Variants in ASIC2 observed in about 807,000 individuals in gnomAD.
ASIC2 encodes the protein acid sensing ion channel subunit 2.
Under a neutral mutation model 57.3 loss-of-function variants are expected in ASIC2, and 25 were observed. The ratio of observed to expected loss-of-function variants is 0.44; its 90% CI spans 0.32 to 0.61. The LOEUF (loss-of-function observed/expected upper bound fraction) is 0.61. Ranked by LOEUF, ASIC2 falls within the 20% of genes least tolerant of loss-of-function variation. ASIC2 has a pLI of 0.06. For missense variants in ASIC2, 641 were observed against 738.1 expected, an observed-to-expected ratio of 0.87 and a Z score of 1.52; for synonymous variants, 319 against 307.5, an observed-to-expected ratio of 1.04 and a Z score of -0.39.
chr17:33,551,061 T>C lies in ASIC2; in HGVS notation c.556-438994A>G, dbSNP rs188486747. 2.9e-3 allele frequency among the ~76,000 whole-genome samples: 444 copies of C among 152,298 alleles called. 4 individuals are homozygous for C. The highest frequency in any genetic ancestry group is 4.7e-3 in the Non-Finnish European group (320 of 68,028). On this transcript the variant is annotated intron_variant, in intron 1 of 9. Coordinates refer to the ASIC2 transcript ENST00000359872. ...ATTTTTATGCCTAGAAAATAAATAATATTTATCTTAAGCTCACTGCAGAAA... is the reference window on the plus strand; with the variant it reads ...ATTTTTATGCCTAGAAAATAAATAACATTTATCTTAAGCTCACTGCAGAAA...
At chr17:33,426,242 GC>G (rs2141975173) in intron 1 of ASIC2, among the ~76,000 whole-genome samples, 1 of 152,328 alleles carries the variant, frequency 6.6e-6, no homozygotes, top group East Asian at 1.9e-4. Context: ...AATAATCATA[GC>G]CAGGGCACTT....
intron 1 of ASIC2, among the ~76,000 whole-genome samples, chr17:33,994,449 C>T (rs951015664): frequency 3.4e-4 from 51 of 152,166 alleles, no homozygotes; most frequent in African/African-American, 1.2e-3. Context: ...AATTTCCTGA[C>T]CACTCCTCTG....
intron 1 of ASIC2, among the ~76,000 whole-genome samples, chr17:33,516,410 G>GTGTGAGTA (rs1914573154): frequency 1.4e-5 from 2 of 143,612 alleles, no homozygotes; most frequent in Admixed American, 1.4e-4. Flanking sequence ...GAGTGTGAGT[G>GTGTGAGTA]TGTGTGTGTG....
At chr17:33,096,757 G>T (rs940330215) in intron 2 of ASIC2, among the ~76,000 whole-genome samples, 2 of 152,204 alleles carry the variant, frequency 1.3e-5, no homozygotes, top group African/African-American at 4.8e-5. Context: ...CAAGGTGAGG[G>T]TGTTTGTGTA....
chr17:33,727,003 CA>C (rs1254353315), intron 1 of ASIC2, among the ~76,000 whole-genome samples: 1 of 152,104 alleles, frequency 6.6e-6, no homozygotes, highest in Non-Finnish European at 1.5e-5. Context: ...TCATAACATG[CA>C]AATTTATCTA....
chr17:33,906,365 C>T (rs982961828), intron 1 of ASIC2, among the ~76,000 whole-genome samples: 8 of 152,170 alleles, frequency 5.3e-5, no homozygotes, highest in African/African-American at 1.9e-4. Context: ...GGTGGAAAAT[C>T]TTGGGTTATG....
chr17:33,016,154 T>C (rs2091804676), intron 8 of ASIC2, 115 bp from the exon 9 acceptor site: 1 of 947,530 alleles, frequency 1.1e-6, no homozygotes, highest in Non-Finnish European at 1.6e-6. Flanking sequence ...TGGCTGAACA[T>C]ACCGTAGCAC....
At chr17:33,664,246 G>A (rs1907398827) in intron 1 of ASIC2, among the ~76,000 whole-genome samples, 1 of 152,192 alleles carries the variant, frequency 6.6e-6, no homozygotes, top group African/African-American at 2.4e-5. Context: ...GGGAAAGTAT[G>A]TTTTGTCTTT....
chr17:33,057,680 TG>T lies in ASIC2; in HGVS notation c.988-29289del, dbSNP rs61322431. Among the ~76,000 whole-genome samples the T allele has an allele frequency of 1.3e-3, 204 of 152,358 alleles. 1 individual carries two copies. The highest frequency in any genetic ancestry group is 4.8e-3 in the African/African-American group (200 of 41,582). ...AAGCAGAAGCCCAGTGATTCTGGGT[TG>T]AACCGCCTGGAAACCCCGTGGAATG... On this transcript the variant is annotated intron_variant, in intron 3 of 9. Coordinates refer to ENST00000225823, the MANE Select transcript of ASIC2 (RefSeq NM_183377.2).
intron 1 of ASIC2, among the ~76,000 whole-genome samples, chr17:33,147,987 C>T (rs1904631869): frequency 6.6e-6 from 1 of 152,176 alleles, no homozygotes; most frequent in Admixed American, 6.5e-5. Flanking sequence ...GGACACTTCA[C>T]GCTACTGAAC....
chr17:34,149,163 G>A (rs1904420256), intron 1 of ASIC2, among the ~76,000 whole-genome samples: 1 of 147,910 alleles, frequency 6.8e-6, no homozygotes, highest in South Asian at 2.1e-4. Flanking sequence ...CTGGAGTGCA[G>A]TGGTGTGATC....
At chr17:33,471,735 G>C (rs1368204135) in intron 1 of ASIC2, among the ~76,000 whole-genome samples, 1 of 152,156 alleles carries the variant, frequency 6.6e-6, no homozygotes, top group Non-Finnish European at 1.5e-5. Context: ...TGTTAATTAA[G>C]AGGAGGCAAA....
intron 1 of ASIC2, chr17:34,038,666 G>T (rs937543341): frequency 2.5e-6 from 4 of 1,583,526 alleles, no homozygotes; most frequent in Non-Finnish European, 3.5e-6. Flanking sequence ...CTCCAGCTCT[G>T]CCTGGATCTC....
intron 1 of ASIC2, among the ~76,000 whole-genome samples, chr17:34,128,090 ATGTT>A (rs2142125019): frequency 6.6e-6 from 1 of 152,314 alleles, no homozygotes; most frequent in East Asian, 1.9e-4. Flanking sequence ...ATCTTAATAA[ATGTT>A]TGAGAAAAGG....
At chr17:33,477,809 T>A (rs1379880703) in intron 1 of ASIC2, among the ~76,000 whole-genome samples, 1 of 152,056 alleles carries the variant, frequency 6.6e-6, no homozygotes, top group Non-Finnish European at 1.5e-5. Context: ...GTCTTAAGGA[T>A]GAGTTATAGT....
At chr17:33,883,473 C>T (rs930171062) in intron 1 of ASIC2, among the ~76,000 whole-genome samples, 1 of 152,154 alleles carries the variant, frequency 6.6e-6, no homozygotes, top group African/African-American at 2.4e-5. Flanking sequence ...TCTGTAGACT[C>T]ATCAGATACA....
intron 1 of ASIC2, among the ~76,000 whole-genome samples, chr17:33,574,484 T>C (rs1916554814): frequency 6.6e-6 from 1 of 152,198 alleles, no homozygotes; most frequent in South Asian, 2.1e-4. Context: ...AGGGGTTGCG[T>C]AGGGGTGCTG....
chr17:33,042,606 T>C lies in ASIC2; in HGVS notation c.988-14214A>G, dbSNP rs1240999042. Among the ~76,000 whole-genome samples the C allele has an allele frequency of 2.0e-5, 3 of 152,222 alleles. No individual in the cohort carries two copies. The East Asian group carries it at 5.8e-4, about 29-fold the overall frequency. On this transcript the variant is annotated intron_variant, in intron 3 of 9. Transcript: ENST00000225823. Reference sequence around the variant, plus strand: ...GGAATTGAAACTTTGATTGTCTCTGTTGGATACCTGGTGAGACTGGAGCCC... The same window carrying C: ...GGAATTGAAACTTTGATTGTCTCTGCTGGATACCTGGTGAGACTGGAGCCC...
chr17:33,859,012 A>G (rs10512457), intron 1 of ASIC2, among the ~76,000 whole-genome samples: 43,845 of 152,174 alleles, frequency 0.29, 7,026 homozygotes, highest in East Asian at 0.61. Context: ...GAAAAGATAA[A>G]CCATATTCAT....
Sources: gnomAD v4.1 joint callset for allele counts (sites outside exome capture counted in the v4.1 genomes callset) on GRCh38, gnomAD v4.1.1 for gene constraint, MANE v1.5 for transcripts, NCBI Gene and HGNC (gene_info 2026-07-23, HGNC 2026-07-21) for gene names.